Variants in DPH7 observed in about 807,000 individuals in gnomAD.
DPH7 encodes the protein diphthine methyltransferase.
Under a neutral mutation model 41.7 loss-of-function variants are expected in DPH7, and 44 were observed. The ratio of observed to expected loss-of-function variants is 1.05; its 90% confidence interval spans 0.83 to 1.36. The LOEUF is 1.36. Ranked by LOEUF, DPH7 falls within the 40% of genes most tolerant of loss-of-function variation. The probability of loss-of-function intolerance (pLI) is 0.00; values close to 1 mark genes in which losing one functional copy is unlikely to be tolerated. For missense variants in DPH7, 629 were observed against 577.5 expected, an observed-to-expected ratio of 1.09 and a Z score of -0.91; for synonymous variants, 275 against 238.0, an observed-to-expected ratio of 1.16 and a Z score of -1.43.
intron 4 of DPH7, 123 bp downstream of exon 4, chr9:137,574,629 G>A (rs751723694): frequency 1.0e-6 from 1 of 972,788 alleles, no homozygotes; most frequent in Non-Finnish European, 1.6e-6. Context: ...GACTGGCAGT[G>A]ATGATGTCAG....
In DPH7 at chr9:137,564,590, G is replaced by A; in HGVS notation, c.793C>T (p.Leu265=). ...LATGSYDEHI[L]LWDTRNMKQP... ...TTCATGTTTCGTGTGTCCCACAGTA[G>A]GATGTGTTCATCATAGCTGAAACCG... The change falls in exon 8 of 9, where the codon CTA becomes TTA. Residue 265 remains leucine (L), a synonymous_variant. Coordinates refer to ENST00000277540, the MANE Select transcript of DPH7 (RefSeq NM_138778.5). The A allele has an allele frequency of 6.2e-7, 1 of 1,612,950 alleles. No individual in the cohort carries two copies. Among genetic ancestry groups the A allele is most frequent in the Non-Finnish European group, 8.5e-7 (1 of 1,179,068 alleles).
chr9:137,556,597 G>A lies in DPH7; in HGVS notation c.950-949C>T. ...ACCCTGGGCCCAGGGCTTCAACTGGGCAGAGGTGGCTCCGAGGAGGAGTGA... is the reference window on the plus strand; with the variant it reads ...ACCCTGGGCCCAGGGCTTCAACTGGACAGAGGTGGCTCCGAGGAGGAGTGA... On this transcript the variant is annotated intron_variant, in intron 8 of 8. Transcript: ENST00000277540. This position sits in a 1 kb window ranked among gnomAD's most constrained non-coding sequence, Gnocchi z 5.2. The A allele has an allele frequency of 3.5e-5, 12 of 342,678 alleles. 1 individual carries two copies. The highest frequency in any genetic ancestry group is 2.6e-4 in the South Asian group (12 of 45,616). 21.2% of individuals were successfully genotyped at this position (342,678 alleles called of 1,614,324 possible). A position where few individuals can be genotyped will look rare whatever the true frequency, so the allele number is the denominator to read the frequency against.
At chr9:137,561,294 C>A (rs1398306641) in intron 8 of DPH7, among the ~76,000 whole-genome samples, 1 of 152,036 alleles carries the variant, frequency 6.6e-6, no homozygotes, top group Admixed American at 6.5e-5. Flanking sequence ...ATGTGAGGAA[C>A]TAAGGAGGGC....
Position 137,565,142 on chromosome 9 carries a change from C to A in DPH7, c.653G>T (p.Gly218Val). The A allele has an allele frequency of 6.2e-7, 1 of 1,614,006 alleles. No homozygotes were observed. Among genetic ancestry groups the A allele is most frequent in the South Asian group, 1.1e-5 (1 of 91,088 alleles). Reference sequence around the variant, plus strand: ...CCTGGTGTCCCAGCCCCTCAGAAGGCCATCGTCGCCCCCTGTGTGGAGAAA... The same window carrying A: ...CCTGGTGTCCCAGCCCCTCAGAAGGACATCGTCGCCCCCTGTGTGGAGAAA... Reference protein sequence around the residue: ...PEIVYSGGDDGLLRGWDTRVP... With the variant: ...PEIVYSGGDDVLLRGWDTRVP... Residue 218 changes from glycine (G) to valine (V), a missense_variant, in exon 6 of 9, where the codon GGC becomes GTC. Coordinates refer to ENST00000277540, the MANE Select transcript of DPH7 (RefSeq NM_138778.5).
intron 8 of DPH7, among the ~76,000 whole-genome samples, chr9:137,561,895 C>T (rs1345163462): frequency 1.3e-5 from 2 of 152,036 alleles, no homozygotes; most frequent in Non-Finnish European, 1.5e-5. Flanking sequence ...GATGGAGTCT[C>T]GCTGTGTCTC....
In DPH7 at chr9:137,574,764, C is replaced by T. The variant is rs1391442739; in HGVS notation, c.455G>A (p.Gly152Glu). 3 of 1,613,816 alleles carry T rather than the reference C, an allele frequency of 1.9e-6. No homozygotes were observed. The East Asian group carries it at 6.7e-5, about 36-fold the overall frequency. ...CLALSLDWSTGKTGRAGDQPL... is the reference protein window; with the variant it reads ...CLALSLDWSTEKTGRAGDQPL... ...GCCTGGCCCTTACCTTCCAGTTTTCCCAGTGGACCAATCTAGGGACAAAGC... is the reference window on the plus strand; with the variant it reads ...GCCTGGCCCTTACCTTCCAGTTTTCTCAGTGGACCAATCTAGGGACAAAGC... Residue 152 changes from glycine (G) to glutamate (E), a missense_variant, in exon 4 of 9, where the codon GGG (glycine) becomes GAG (glutamate). Physicochemically the swap from Gly to Glu is moderately conservative, Grantham distance 98. Coordinates refer to ENST00000277540, the MANE Select transcript of DPH7 (RefSeq NM_138778.5).
intron 2 of DPH7, among the ~76,000 whole-genome samples, chr9:137,576,996 G>A (rs1223460780): frequency 6.6e-6 from 1 of 150,858 alleles, no homozygotes; most frequent in Non-Finnish European, 1.5e-5. Flanking sequence ...CAAGGCTGCA[G>A]TGAGCTATGA....
chr9:137,575,280 C>T lies in DPH7; in HGVS notation c.376-437G>A, dbSNP rs1351322709. The T allele has an allele frequency of 1.1e-5, 11 of 993,642 alleles. No homozygotes were observed. In the East Asian group the frequency reaches 3.3e-4, roughly 30 times the overall value. The allele number at this position is 993,642 out of a possible 1,614,324, so 61.6% of individuals were successfully genotyped here. On this transcript the variant is annotated intron_variant, in intron 3 of 8. Transcript: ENST00000277540. ...CTCCTCTGGTTTCCACTTCAGAAGC[C>T]GCGAGCAGCCATGAGAACGTGGTTG...
At position 137,555,539 on chromosome 9, in the gene DPH7, C is replaced by G; in HGVS notation, c.1059G>C (p.Ser353=). 1 of 1,614,002 alleles carries G rather than the reference C, an allele frequency of 6.2e-7. No homozygotes were observed. Among genetic ancestry groups the G allele is most frequent in the Non-Finnish European group, 8.5e-7 (1 of 1,180,018 alleles). The part of the protein sequence containing the change: ...LLFRSLQRAP[S]WSFPSNLGTK... ...TTCCTAGGTTGCTAGGAAAGGACCA[C>G]GAGGGGGCCCGCTGCAGAGAACGGA... Residue 353 remains serine, a synonymous_variant, in exon 9 of 9, where the codon TCG becomes TCC. Transcript: ENST00000277540.
rs146055179 is a variant in DPH7 at position 137,577,939 on chromosome 9, A to T, written c.154-336T>A. On this transcript the variant is annotated intron_variant, in intron 1 of 8. Coordinates refer to ENST00000277540, the MANE Select transcript of DPH7 (RefSeq NM_138778.5). ...CCTAATATGTACCCACCAGAAGTTAAGATATAATTCCCACTTTCTCTTTAC... is the reference window on the plus strand; with the variant it reads ...CCTAATATGTACCCACCAGAAGTTATGATATAATTCCCACTTTCTCTTTAC... The T allele has an allele frequency of 5.2e-4, 515 of 982,932 alleles. 1 individual carries two copies. In the African/African-American group the frequency reaches 7.8e-3, roughly 15 times the overall value. The allele number at this position is 982,932 out of a possible 1,614,324, so 60.9% of individuals were successfully genotyped here. A position where few individuals can be genotyped will look rare whatever the true frequency, so the allele number is the denominator to read the frequency against.
intron 2 of DPH7, among the ~76,000 whole-genome samples, chr9:137,577,207 G>A (rs978865607): frequency 1.3e-5 from 2 of 152,118 alleles, no homozygotes; most frequent in Non-Finnish European, 2.9e-5. Flanking sequence ...CCAAAAGTGG[G>A]CTAGAGCCTA....
chr9:137,560,203 G>A (rs974578130), intron 8 of DPH7, among the ~76,000 whole-genome samples: 1 of 152,132 alleles, frequency 6.6e-6, no homozygotes, highest in Non-Finnish European at 1.5e-5. Flanking sequence ...AAAGTATCAA[G>A]TATTCAGAAG....
In DPH7 at chr9:137,555,188, C is replaced by T. The variant is rs373415034; in HGVS notation, c.*51G>A. 3.2e-6 allele frequency: 5 copies of T among 1,541,764 alleles called. No homozygotes were observed. The highest frequency in any genetic ancestry group is 2.7e-5 in the African/African-American group (2 of 72,960). On this transcript the variant is annotated 3_prime_UTR_variant, in exon 9 of 9. Coordinates refer to ENST00000277540, the MANE Select transcript of DPH7 (RefSeq NM_138778.5). ...GATGAGGTGGTCCCGGGCACTCACTCGCAGTCTCCCTCCTGGTTTCCTTGT... is the reference window on the plus strand; with the variant it reads ...GATGAGGTGGTCCCGGGCACTCACTTGCAGTCTCCCTCCTGGTTTCCTTGT...
At chr9:137,571,497 T>C (rs538360638) in intron 5 of DPH7, among the ~76,000 whole-genome samples, 22 of 152,086 alleles carry the variant, frequency 1.4e-4, no homozygotes, top group Non-Finnish European at 2.5e-4. Flanking sequence ...TATAAATAAT[T>C]TTTTTAAGAA....
chr9:137,577,516 C>T lies in DPH7; in HGVS notation c.241G>A (p.Val81Ile), dbSNP rs1379713305. 4.3e-6 allele frequency: 7 copies of T among 1,614,022 alleles called. No individual in the cohort carries two copies. Among genetic ancestry groups the T allele is most frequent in the East Asian group, 4.5e-5 (2 of 44,892 alleles). Residue 81 changes from valine (V) to isoleucine (I), a missense_variant, in exon 2 of 9, where the codon GTC becomes ATC. Coordinates refer to ENST00000277540, the MANE Select transcript of DPH7 (RefSeq NM_138778.5). ...GAAGTATCTTTTCTTTGGACCTCGA[C>T]CAGAGGGTGAATAGAGTTGTTGTCA... is the stretch of plus-strand genomic sequence containing the variant. ...FNDNNSIHPL[V>I]EVQRKDTSAI...
At chr9:137,557,399 G>A (rs928608153) in intron 8 of DPH7, among the ~76,000 whole-genome samples, 10 of 152,210 alleles carry the variant, frequency 6.6e-5, no homozygotes, top group Middle Eastern at 3.4e-3. Flanking sequence ...CCAGCTACTC[G>A]GGAGGCTGAG....
At chr9:137,572,292 A>T (rs1243168463) in intron 5 of DPH7, among the ~76,000 whole-genome samples, 1 of 152,214 alleles carries the variant, frequency 6.6e-6, no homozygotes, top group African/African-American at 2.4e-5. Context: ...GGAAAAGGTG[A>T]CTGAGAGCAT....
At chr9:137,565,035 G>A in intron 6 of DPH7, 50 bp downstream of exon 6, 1 of 1,612,730 alleles carries the variant, frequency 6.2e-7, no homozygotes, top group Non-Finnish European at 8.5e-7. Flanking sequence ...GGTGACCCAG[G>A]GAACGCGGGG....
intron 8 of DPH7, 148 bp downstream of exon 8, chr9:137,564,286 T>C (rs2132971989): frequency 3.1e-6 from 3 of 975,358 alleles, no homozygotes; most frequent in Middle Eastern, 3.4e-4. Context: ...CGACCAAGTC[T>C]AGGGCGCGAC....
Sources: gnomAD v4.1 joint callset for allele counts (sites outside exome capture counted in the v4.1 genomes callset) on GRCh38, gnomAD v4.1.1 for gene constraint, Gnocchi (gnomAD v3.1) non-coding constraint, MANE v1.5 for transcripts, NCBI Gene and HGNC (gene_info 2026-07-23, HGNC 2026-07-21) for gene names.